Variants in MDN1 observed in about 807,000 individuals in gnomAD.
MDN1 encodes the protein midasin AAA ATPase 1, also known as midasin.
Under a neutral mutation model 669.2 loss-of-function variants are expected in MDN1, and 266 were observed. The observed-to-expected ratio is 0.40, with a 90% CI of 0.36 to 0.44. The LOEUF is 0.44. Ranked by LOEUF, MDN1 falls within the 20% of genes least tolerant of loss-of-function variation. MDN1 has a pLI of 1.00. For missense variants in MDN1, 5,940 were observed against 6,754.0 expected (o/e 0.88, Z 4.22); for synonymous variants, 2,385 against 2,457.1 (o/e 0.97, Z 0.87).
intron 17 of MDN1, among the ~76,000 whole-genome samples, chr6:89,761,308 A>C (rs955164930): frequency 6.6e-6 from 1 of 152,242 alleles, no homozygotes; most frequent in Admixed American, 6.5e-5. Context: ...AAGGCAGTAC[A>C]TTTCAAATGT....
In MDN1 at chr6:89,655,910, T is replaced by A; in HGVS notation, c.15344A>T (p.Glu5115Val). Residue 5115 changes from glutamate (E) to valine (V), a missense_variant, in exon 92 of 102, where the codon GAG becomes GTG. Physicochemically the swap from Glu to Val is moderately radical, Grantham distance 121. This residue lies in a region of MDN1 where 2,280 missense variants were observed against 2,576.3 expected (regional missense o/e 0.88). Transcript: ENST00000369393. ...DNERSMGDHN[E>V]RVHKRLRTVD... ...AGTCCTCAGCCTCTTGTGCACACGC[T>A]CATTGTGATCACCCATGGAACGTTC... The A allele has an allele frequency of 6.2e-7, 1 of 1,614,110 alleles. No individual in the cohort carries two copies.
At position 89,688,095 on chromosome 6, in the gene MDN1, G is replaced by C. The variant is rs267601160; in HGVS notation, c.11338C>G (p.Leu3780Val). Reference sequence around the variant, plus strand: ...TAGCTCACCTGTGCCTTTGCCAGAAGGATCTCTAAGCCATTCAGGAACTTT... The same window carrying C: ...TAGCTCACCTGTGCCTTTGCCAGAACGATCTCTAAGCCATTCAGGAACTTT... Reference protein sequence around the residue: ...ISKFLNGLEILLAKAQDWEEN... With the variant: ...ISKFLNGLEIVLAKAQDWEEN... Residue 3780 changes from leucine to valine, a missense_variant, in exon 67 of 102, where the codon CTT becomes GTT. Physicochemically the swap from Leu to Val is conservative, Grantham distance 32 (BLOSUM62 1). Transcript: ENST00000369393. 6.2e-7 allele frequency: 1 copy of C among 1,613,924 alleles called. No individual in the cohort carries two copies. The highest frequency in any genetic ancestry group is 1.7e-5 in the Admixed American group (1 of 60,024).
intron 17 of MDN1, among the ~76,000 whole-genome samples, chr6:89,759,298 C>G (rs1018470372): frequency 6.6e-6 from 1 of 152,220 alleles, no homozygotes; most frequent in African/African-American, 2.4e-5. Flanking sequence ...TAGGGTCAGG[C>G]TATACCAAGA....
At chr6:89,728,068 T>C (rs1435330884) in intron 36 of MDN1, 113 bp from the exon 37 acceptor site, 2 of 1,265,710 alleles carry the variant, frequency 1.6e-6, no homozygotes, top group Non-Finnish European at 2.2e-6. Context: ...CTACTCTTCC[T>C]TCCTACACCC....
chr6:89,722,922 G>T (rs1197448946), intron 40 of MDN1, 33 bp downstream of exon 40: 8 of 1,560,934 alleles, frequency 5.1e-6, no homozygotes, highest in Non-Finnish European at 7.0e-6. Flanking sequence ...CTTTCAGATG[G>T]AAAGAAATAC....
chr6:89,646,694 G>A, intron 99 of MDN1, 91 bp from the exon 100 acceptor site: 3 of 1,118,160 alleles, frequency 2.7e-6, no homozygotes, highest in Non-Finnish European at 4.0e-6. Flanking sequence ...ACATTGAAGT[G>A]ATTATCAGAT....
chr6:89,684,132 A>C (rs79154473), intron 71 of MDN1, among the ~76,000 whole-genome samples: 5 of 152,026 alleles, frequency 3.3e-5, no homozygotes, highest in Non-Finnish European at 7.4e-5. Context: ...ATCACAAGGT[A>C]AGGAGATTGA....
rs377450450 is a variant in MDN1, at chr6:89,743,673, G to A, written c.4220C>T (p.Ala1407Val). The change falls in exon 30 of 102, where the codon GCA becomes GTA. Residue 1407 changes from alanine (A) to valine (V), a missense_variant. By Grantham distance (64) the Ala-to-Val change is moderately conservative. This residue lies in a region of MDN1 where 2,292 missense variants were observed against 2,638.3 expected (regional missense o/e 0.87). Coordinates refer to ENST00000369393, the MANE Select transcript of MDN1 (RefSeq NM_014611.3). ...GCTGACAGAGTATAATTTCTGATTTGCCAAGGCTGCAAATACCTGACAGAT... is the reference window on the plus strand; with the variant it reads ...GCTGACAGAGTATAATTTCTGATTTACCAAGGCTGCAAATACCTGACAGAT... Reference protein sequence around the residue: ...TTICQVFAALANQKLYSVSCH... With the variant: ...TTICQVFAALVNQKLYSVSCH... 1 of 1,610,608 alleles carries A rather than the reference G, an allele frequency of 6.2e-7. No homozygotes were observed.
chr6:89,797,372 CAA>C (rs36015348), intron 2 of MDN1, among the ~76,000 whole-genome samples: 5 of 97,716 alleles, frequency 5.1e-5, no homozygotes, highest in Non-Finnish European at 2.0e-5. Flanking sequence ...GACTCCATCT[CAA>C]AAAAAAAAAA....
chr6:89,647,330 G>A (rs1160488627), intron 99 of MDN1, among the ~76,000 whole-genome samples: 3 of 152,200 alleles, frequency 2.0e-5, no homozygotes, highest in Admixed American at 6.5e-5. Context: ...CAGGACCCAG[G>A]AGAAATATGA....
chr6:89,688,017 C>G (rs1190774135), intron 67 of MDN1, 61 bp downstream of exon 67: 1 of 1,373,062 alleles, frequency 7.3e-7, no homozygotes, highest in Non-Finnish European at 1.0e-6. Flanking sequence ...AAAGGTGCCA[C>G]AAGACGTATC....
In MDN1 at chr6:89,772,688, G is replaced by A. The variant is rs1313003289; in HGVS notation, c.1968C>T (p.Ser656=). The change falls in exon 14 of 102, where the codon TCC becomes TCT. Residue 656 remains serine (S), a synonymous_variant. Transcript: ENST00000369393. ...EKFTFAATRP[S]SVLIEQLAVC... ...CTGCAAGCTGCTCGATGAGAACAGAGGACGGCCGTGTAGCAGCGAAAGTGA... is the reference window on the plus strand; with the variant it reads ...CTGCAAGCTGCTCGATGAGAACAGAAGACGGCCGTGTAGCAGCGAAAGTGA... 1 of 1,614,018 alleles carries A rather than the reference G, an allele frequency of 6.2e-7. No homozygotes were observed. Among genetic ancestry groups the A allele is most frequent in the Admixed American group, 1.7e-5 (1 of 59,994 alleles).
At chr6:89,779,259 C>A (rs1325031194) in intron 11 of MDN1, among the ~76,000 whole-genome samples, 1 of 152,088 alleles carries the variant, frequency 6.6e-6, no homozygotes, top group East Asian at 1.9e-4. Context: ...CTCTGGTTAC[C>A]ATAGTATAGT....
intron 31 of MDN1, among the ~76,000 whole-genome samples, chr6:89,741,000 G>C (rs192632156): frequency 1.6e-4 from 25 of 152,354 alleles, no homozygotes; most frequent in African/African-American, 5.8e-4. Flanking sequence ...GGAAGGCCAA[G>C]GTGGGGAGAT....
chr6:89,746,022 T>C (rs1442870663), intron 27 of MDN1, among the ~76,000 whole-genome samples: 1 of 152,202 alleles, frequency 6.6e-6, no homozygotes, highest in Non-Finnish European at 1.5e-5. Context: ...CATAATGGCA[T>C]GACTGAATCT....
intron 49 of MDN1, 141 bp downstream of exon 49, chr6:89,711,895 T>C (rs1813954952): frequency 5.5e-6 from 4 of 732,500 alleles, no homozygotes; most frequent in Non-Finnish European, 9.0e-6. Flanking sequence ...ACAGTAATGC[T>C]AGACCACAAA....
rs374377096 is a variant in MDN1, at chr6:89,762,337, C to G, written c.2338G>C (p.Gly780Arg). 5 of 1,613,760 alleles carry G rather than the reference C, an allele frequency of 3.1e-6. No individual in the cohort carries two copies. Among genetic ancestry groups the G allele is most frequent in the Non-Finnish European group, 4.2e-6 (5 of 1,179,940 alleles). The part of the protein sequence containing the change: ...HVHKSAVNKD[G>R]KDSETGLLIK... ...TCCTTACCAGTTTCACTGTCTTTTC[C>G]ATCCTTGTTAACAGCAGACTTGTGT... The change falls in exon 16 of 102, where the codon GGA (glycine) becomes CGA (arginine). Residue 780 changes from glycine (G) to arginine (R), a missense_variant. Gly to Arg is a moderately radical substitution (Grantham distance 125). This residue lies in a region of MDN1 where 1,203 missense variants were observed against 1,268.9 expected (regional missense o/e 0.95). Coordinates refer to ENST00000369393, the MANE Select transcript of MDN1 (RefSeq NM_014611.3).
rs1436271709 is a variant in MDN1, at chr6:89,700,026, A to T, written c.8870+37T>A. 7.6e-6 allele frequency: 12 copies of T among 1,583,506 alleles called. No individual in the cohort carries two copies. In the Admixed American group the frequency reaches 1.7e-4, roughly 22 times the overall value. ...GATACACAGAATAATCAAGAAAAAA[A>T]GTTCCCGCAAGGAAAACAACTGAAA... On this transcript the variant is annotated intron_variant, in intron 57 of 101. Transcript: ENST00000369393.
intron 14 of MDN1, among the ~76,000 whole-genome samples, chr6:89,771,952 C>T (rs1338098779): frequency 6.6e-6 from 1 of 152,140 alleles, no homozygotes; most frequent in Non-Finnish European, 1.5e-5. Flanking sequence ...AGCAATCCTC[C>T]TACCTCAGGC....
Sources: allele counts gnomAD v4.1 joint callset (sites outside exome capture counted in the v4.1 genomes callset), GRCh38; gene constraint gnomAD v4.1.1; regional missense constraint gnomAD v4.1.1; transcripts MANE v1.5; gene names NCBI Gene and HGNC (gene_info 2026-07-23, HGNC 2026-07-21).